Variants in CACNA2D3 observed in about 807,000 individuals in gnomAD.
The protein encoded by CACNA2D3 is voltage-dependent calcium channel subunit alpha-2/delta-3.
CACNA2D3 carries 60 observed loss-of-function variants against 160.6 expected under a neutral mutation model. The observed-to-expected ratio is 0.37, with a 90% CI of 0.30 to 0.46. CACNA2D3 has a LOEUF of 0.46. CACNA2D3 is among the 20% of genes least tolerant of loss of function. The pLI is 1.00. For synonymous variants in CACNA2D3, 558 were observed against 492.9 expected, an observed-to-expected ratio of 1.13 and a Z score of -1.75; for missense variants, 1,205 against 1,365.0, an observed-to-expected ratio of 0.88 and a Z score of 1.85.
chr3:54,916,955 A>C (rs1700677445), intron 27 of CACNA2D3, among the ~76,000 whole-genome samples: 1 of 152,178 alleles, frequency 6.6e-6, no homozygotes, highest in Non-Finnish European at 1.5e-5. Flanking sequence ...GAGTGCTGAG[A>C]TTGATTAGCA....
At chr3:54,741,327 C>G (rs1396985443) in intron 11 of CACNA2D3, among the ~76,000 whole-genome samples, 1 of 152,250 alleles carries the variant, frequency 6.6e-6, no homozygotes, top group East Asian at 1.9e-4. Context: ...TAGAAGACCT[C>G]TCTTCCTTTG....
intron 2 of CACNA2D3, among the ~76,000 whole-genome samples, chr3:54,270,436 A>G (rs149288473): frequency 6.6e-6 from 1 of 152,294 alleles, no homozygotes; most frequent in Non-Finnish European, 1.5e-5. Context: ...CACCATTGCC[A>G]CCATTCAACA....
At chr3:54,642,832 G>A (rs948290208) in intron 11 of CACNA2D3, among the ~76,000 whole-genome samples, 1 of 152,176 alleles carries the variant, frequency 6.6e-6, no homozygotes, top group African/African-American at 2.4e-5. Flanking sequence ...TATTCTGAGT[G>A]CCTGAACTCA....
chr3:54,778,350 C>T (rs931905882), intron 13 of CACNA2D3, among the ~76,000 whole-genome samples: 14 of 152,080 alleles, frequency 9.2e-5, no homozygotes, highest in Admixed American at 8.5e-4. Context: ...AACCTACTCA[C>T]ACATTTATAG....
chr3:54,813,327 C>T (rs567659845), intron 13 of CACNA2D3, among the ~76,000 whole-genome samples: 6 of 152,232 alleles, frequency 3.9e-5, no homozygotes, highest in East Asian at 3.9e-4. Flanking sequence ...AAGAAGAAAA[C>T]ATCTCCCCGG....
At chr3:54,725,318 A>C (rs1383849820) in intron 11 of CACNA2D3, among the ~76,000 whole-genome samples, 2 of 152,188 alleles carry the variant, frequency 1.3e-5, no homozygotes, top group Admixed American at 6.5e-5. Flanking sequence ...ATTCACAGCC[A>C]AATTCTACCA....
chr3:54,466,530 A>G (rs571946719), intron 4 of CACNA2D3, among the ~76,000 whole-genome samples: 4 of 152,322 alleles, frequency 2.6e-5, no homozygotes, highest in African/African-American at 4.8e-5. Context: ...TTTCCCCTCA[A>G]TGGCTGGCGC....
chr3:54,435,158 A>G (rs1236922354), intron 4 of CACNA2D3, among the ~76,000 whole-genome samples: 8 of 152,138 alleles, frequency 5.3e-5, no homozygotes, highest in Non-Finnish European at 4.4e-5. Context: ...TCTACCTAGC[A>G]TCAATGAAGT....
chr3:54,901,817 C>G (rs888880547), intron 27 of CACNA2D3, among the ~76,000 whole-genome samples: 4 of 152,164 alleles, frequency 2.6e-5, no homozygotes, highest in African/African-American at 9.7e-5. Context: ...TGCAGCCCCA[C>G]GAAGGCAGTG....
chr3:54,442,079 G>A (rs918588251), intron 4 of CACNA2D3, among the ~76,000 whole-genome samples: 1 of 152,136 alleles, frequency 6.6e-6, no homozygotes, highest in East Asian at 1.9e-4. Flanking sequence ...AAGTAGCAAG[G>A]ACTATAGATG....
intron 13 of CACNA2D3, among the ~76,000 whole-genome samples, chr3:54,773,429 CCTG>C (rs1702356723): frequency 6.6e-6 from 1 of 152,200 alleles, no homozygotes; most frequent in South Asian, 2.1e-4. Flanking sequence ...CATAAACCAT[CCTG>C]CTGGGTTGTG....
intron 4 of CACNA2D3, among the ~76,000 whole-genome samples, chr3:54,479,646 G>A (rs1028479897): frequency 6.6e-5 from 10 of 152,116 alleles, no homozygotes; most frequent in East Asian, 1.9e-4. Context: ...ATCAGAAACC[G>A]ATAGGAGAGA....
intron 27 of CACNA2D3, among the ~76,000 whole-genome samples, chr3:54,934,117 G>C (rs1026576715): frequency 2.0e-5 from 3 of 152,210 alleles, no homozygotes; most frequent in Admixed American, 2.0e-4. Flanking sequence ...CAGGGACGGA[G>C]AAGGTAAAAA....
At chr3:54,766,842 A>T (rs1702233806) in intron 13 of CACNA2D3, among the ~76,000 whole-genome samples, 1 of 152,064 alleles carries the variant, frequency 6.6e-6, no homozygotes, top group African/African-American at 2.4e-5. Context: ...CACATATAGC[A>T]TACTACTTTT....
At chr3:54,837,102 T>C in intron 14 of CACNA2D3, 57 bp from the exon 15 acceptor site, 1 of 1,490,048 alleles carries the variant, frequency 6.7e-7, no homozygotes, top group Non-Finnish European at 9.4e-7. Flanking sequence ...GGGGGTGGCC[T>C]CCAGAACTGT....
intron 5 of CACNA2D3, among the ~76,000 whole-genome samples, chr3:54,522,128 G>A (rs1701655457): frequency 6.6e-6 from 1 of 151,986 alleles, no homozygotes; most frequent in South Asian, 2.1e-4. Flanking sequence ...CTTTTTTTTG[G>A]AGAGTTTTGC....
intron 11 of CACNA2D3, among the ~76,000 whole-genome samples, chr3:54,689,661 T>G (rs1575424817): frequency 6.6e-6 from 1 of 152,100 alleles, no homozygotes; most frequent in East Asian, 1.9e-4. Flanking sequence ...CTTTCTCTCT[T>G]AACCCTCAAC....
chr3:54,422,691 A>G (rs1699856251), intron 4 of CACNA2D3, among the ~76,000 whole-genome samples: 1 of 152,164 alleles, frequency 6.6e-6, no homozygotes, highest in Non-Finnish European at 1.5e-5. Context: ...GATGATATCA[A>G]ATGTTGGTAA....
At chr3:55,035,830 TC>T (rs1575445727) in intron 35 of CACNA2D3, among the ~76,000 whole-genome samples, 1 of 152,198 alleles carries the variant, frequency 6.6e-6, no homozygotes. Context: ...AAAAATGCTT[TC>T]CGGCTATGGT....
Sources: gnomAD v4.1 joint callset for allele counts (sites outside exome capture counted in the v4.1 genomes callset) on GRCh38, gnomAD v4.1.1 for gene constraint, MANE v1.5 for transcripts, NCBI Gene and HGNC (gene_info 2026-07-23, HGNC 2026-07-21) for gene names.